Variants in USP47 observed in about 807,000 individuals in gnomAD.
The protein encoded by USP47 is ubiquitin specific peptidase 47.
Under a neutral mutation model 165.1 loss-of-function variants are expected in USP47, and 35 were observed. The observed-to-expected ratio is 0.21, with a 90% CI of 0.16 to 0.28. USP47 has a LOEUF of 0.28. USP47 is among the 10% of genes least tolerant of loss of function. The probability of loss-of-function intolerance (pLI) is 1.00; values close to 1 mark genes in which losing one functional copy is unlikely to be tolerated. For missense variants in USP47, 1,277 were observed against 1,607.4 expected, an observed-to-expected ratio of 0.79 and a Z score of 3.52; for synonymous variants, 531 against 544.5, an observed-to-expected ratio of 0.98 and a Z score of 0.35.
intron 25 of USP47, 142 bp from the exon 26 acceptor site, chr11:11,954,755 G>T: frequency 1.1e-6 from 1 of 891,704 alleles, no homozygotes; most frequent in Non-Finnish European, 1.7e-6. Context: ...TTGCAGGGTG[G>T]CCGCTTTCTG....
intron 8 of USP47, among the ~76,000 whole-genome samples, chr11:11,917,458 T>C (rs1853507584): frequency 6.6e-6 from 1 of 151,944 alleles, no homozygotes; most frequent in African/African-American, 2.4e-5. Context: ...AATACAAGGG[T>C]GGGAACACGG....
chr11:11,900,609 T>C (rs1337932249), intron 5 of USP47, among the ~76,000 whole-genome samples: 1 of 152,208 alleles, frequency 6.6e-6, no homozygotes, highest in Non-Finnish European at 1.5e-5. Flanking sequence ...CCCGGAGGAA[T>C]CTGTTATTAA....
At chr11:11,854,989 G>A (rs1400298485) in intron 1 of USP47, among the ~76,000 whole-genome samples, 1 of 151,652 alleles carries the variant, frequency 6.6e-6, no homozygotes, top group East Asian at 1.9e-4. Context: ...CAGCTACTCG[G>A]GAGGCTGAGG....
At chr11:11,899,132 A>G (rs1410609272) in intron 5 of USP47, among the ~76,000 whole-genome samples, 1 of 152,054 alleles carries the variant, frequency 6.6e-6, no homozygotes, top group Non-Finnish European at 1.5e-5. Context: ...GCTTCAGGAG[A>G]TCAGCATAAC....
intron 1 of USP47, among the ~76,000 whole-genome samples, chr11:11,856,115 G>A (rs774768609): frequency 2.0e-5 from 3 of 149,098 alleles, no homozygotes; most frequent in Non-Finnish European, 4.5e-5. Context: ...TGCATGGGGC[G>A]CCTGGTTCTG....
chr11:11,849,257 G>C (rs1257298637), intron 1 of USP47, among the ~76,000 whole-genome samples: 1 of 152,150 alleles, frequency 6.6e-6, no homozygotes, highest in Non-Finnish European at 1.5e-5. Flanking sequence ...TGTTAGCTAG[G>C]CCAGAGTTAG....
Position 11,842,065 on chromosome 11 carries a change from T to C in USP47, c.-121T>C. 1 of 1,283,676 alleles carries C rather than the reference T, an allele frequency of 7.8e-7. No homozygotes were observed. Among genetic ancestry groups the C allele is most frequent in the South Asian group, 1.4e-5 (1 of 69,976 alleles). 79.5% of individuals were successfully genotyped at this position (1,283,676 alleles called of 1,614,324 possible). A position where few individuals can be genotyped will look rare whatever the true frequency, so the allele number is the denominator to read the frequency against. On this transcript the variant is annotated 5_prime_UTR_variant, in exon 1 of 28. Coordinates refer to ENST00000527733, the MANE Select transcript of USP47 (RefSeq NM_001282659.2). The stretch of plus-strand genomic sequence containing the variant: ...CTGAGGCCCAGGCTGAGGCCTCCGC[T>C]ATTGCTGGAGCGCAGGCGGCGGAGA...
intron 1 of USP47, among the ~76,000 whole-genome samples, chr11:11,868,842 C>A (rs1189269070): frequency 6.6e-6 from 1 of 151,512 alleles, no homozygotes; most frequent in Non-Finnish European, 1.5e-5. Context: ...GGTAATATTT[C>A]ATTTTGGTAT....
chr11:11,877,150 G>GA (rs34092972), intron 1 of USP47, among the ~76,000 whole-genome samples: 59 of 146,844 alleles, frequency 4.0e-4, no homozygotes, highest in South Asian at 1.5e-3. Flanking sequence ...AGCTATTTAA[G>GA]AAAAAAAAAA....
intron 8 of USP47, 88 bp from the exon 9 acceptor site, chr11:11,920,068 C>T: frequency 1.0e-6 from 1 of 1,000,686 alleles, no homozygotes. Flanking sequence ...CTACTTATAA[C>T]TTTTAGTAAT....
At position 11,959,261 on chromosome 11, in the gene USP47, G is replaced by A. The variant is rs1847349190; in HGVS notation, c.*3086G>A. On this transcript the variant is annotated 3_prime_UTR_variant, in exon 28 of 28. Coordinates refer to ENST00000527733, the MANE Select transcript of USP47 (RefSeq NM_001282659.2). ...GCAAATGTAGTCTAAACCACATTAC[G>A]TGGACTAGAGGATACTCTGAATTAG... 1 of 152,194 alleles carries A rather than the reference G, an allele frequency of 6.6e-6. No homozygotes were observed. The allele number at this position is 152,194 out of a possible 1,614,324, so 9.4% of individuals were successfully genotyped here.
At chr11:11,847,006 T>A (rs1032072384) in intron 1 of USP47, among the ~76,000 whole-genome samples, 3 of 152,144 alleles carry the variant, frequency 2.0e-5, no homozygotes, top group African/African-American at 7.2e-5. Context: ...ATTTTAGATA[T>A]CATTGGAAAT....
intron 8 of USP47, among the ~76,000 whole-genome samples, chr11:11,918,263 C>G (rs1462105665): frequency 6.6e-6 from 1 of 151,998 alleles, no homozygotes; most frequent in Non-Finnish European, 1.5e-5. Flanking sequence ...TAAGTGGCCT[C>G]TGTTCTTCAA....
intron 1 of USP47, among the ~76,000 whole-genome samples, chr11:11,876,495 G>A (rs1051989431): frequency 6.6e-6 from 1 of 152,144 alleles, no homozygotes; most frequent in Non-Finnish European, 1.5e-5. Flanking sequence ...ACTTAATAGG[G>A]CATTTAGTTT....
intron 15 of USP47, 78 bp downstream of exon 15, chr11:11,933,194 A>C: frequency 8.0e-5 from 89 of 1,106,240 alleles, no homozygotes; most frequent in Middle Eastern, 2.0e-4. Context: ...TGACTAACTC[A>C]TTGGGTTGAT....
intron 20 of USP47, among the ~76,000 whole-genome samples, chr11:11,944,059 T>C (rs1855662773): frequency 6.6e-6 from 1 of 151,492 alleles, no homozygotes; most frequent in African/African-American, 2.4e-5. Flanking sequence ...AGCTAGTAAA[T>C]GGGACCATTA....
chr11:11,945,946 AAAAAGAAAAG>A (rs58705354), intron 20 of USP47, among the ~76,000 whole-genome samples: 23,268 of 150,986 alleles, frequency 0.15, 2,171 homozygotes, highest in Admixed American at 0.33. Flanking sequence ...CCCCCAAAAA[AAAAAGAAAAG>A]AAAAGAAAAG....
At chr11:11,942,201 T>G in intron 19 of USP47, 134 bp from the exon 20 acceptor site, 1 of 1,034,024 alleles carries the variant, frequency 9.7e-7, no homozygotes, top group Non-Finnish European at 1.4e-6. Context: ...AACAATAGAG[T>G]CCTTCAGAAA....
intron 1 of USP47, among the ~76,000 whole-genome samples, chr11:11,849,394 C>T (rs532110420): frequency 1.4e-4 from 21 of 152,234 alleles, no homozygotes; most frequent in African/African-American, 4.8e-4. Context: ...GAGGAGAGTG[C>T]GGGTGTGTGC....
Sources: gnomAD v4.1 joint callset for allele counts (sites outside exome capture counted in the v4.1 genomes callset) on GRCh38, gnomAD v4.1.1 for gene constraint, MANE v1.5 for transcripts, NCBI Gene and HGNC (gene_info 2026-07-23, HGNC 2026-07-21) for gene names.